The following KCNMB2 variants were observed in gnomAD, a reference collection of about 807,000 sequenced individuals.
KCNMB2 encodes potassium calcium-activated channel subfamily M regulatory beta subunit 2.
In KCNMB2, 9 loss-of-function variants were observed where a neutral mutation model predicts 24.5. That is an observed-to-expected ratio of 0.37 (90% confidence interval 0.22 to 0.64). The LOEUF (loss-of-function observed/expected upper bound fraction) is 0.64. KCNMB2 is among the 30% of genes least tolerant of loss of function. The probability of loss-of-function intolerance (pLI) is 0.63; values close to 1 mark genes in which losing one functional copy is unlikely to be tolerated. For synonymous variants in KCNMB2, 109 were observed against 104.4 expected (o/e 1.04, Z -0.27); for missense variants, 226 against 284.3 (o/e 0.79, Z 1.47).
chr3:178,596,351 A>T (rs918621227), intron 1 of KCNMB2, among the ~76,000 whole-genome samples: 1 of 152,152 alleles, frequency 6.6e-6, no homozygotes, highest in African/African-American at 2.4e-5. Context: ...AAGCTGGACA[A>T]CAATCATATT....
chr3:178,807,435 C>G lies in KCNMB2; in HGVS notation c.26C>G (p.Thr9Ser). 1 of 1,613,824 alleles carries G rather than the reference C, an allele frequency of 6.2e-7. No homozygotes were observed. Among genetic ancestry groups the G allele is most frequent in the Non-Finnish European group, 8.5e-7 (1 of 1,179,790 alleles). MFIWTSGR[T>S]SSSYRHDEKR... ...ATGTTTATATGGACCAGTGGCCGGACCTCTTCATCTTATAGACATGATGAA... is the reference window on the plus strand; with the variant it reads ...ATGTTTATATGGACCAGTGGCCGGAGCTCTTCATCTTATAGACATGATGAA... Residue 9 changes from threonine to serine, a missense_variant, in exon 2 of 5, where the codon ACC (threonine) becomes AGC (serine). Coordinates refer to ENST00000452583, the MANE Select transcript of KCNMB2 (RefSeq NM_181361.3).
rs369701485 is a variant in KCNMB2, at chr3:178,597,732, T to C, written c.-68+61021T>C. Among the ~76,000 whole-genome samples, 5 of 152,166 alleles carry C rather than the reference T, an allele frequency of 3.3e-5. No individual in the cohort carries two copies. In the South Asian group the frequency reaches 6.2e-4, roughly 19 times the overall value. The stretch of plus-strand genomic sequence containing the variant: ...ATTTCACACAAATATACTCAAATGA[T>C]GTGCTCCTCACCATTCATTTTCCAA... On this transcript the variant is annotated intron_variant, in intron 1 of 4. Coordinates refer to ENST00000452583, the MANE Select transcript of KCNMB2 (RefSeq NM_181361.3).
At chr3:178,654,229 T>C (rs1720238176) in intron 1 of KCNMB2, among the ~76,000 whole-genome samples, 1 of 152,200 alleles carries the variant, frequency 6.6e-6, no homozygotes, top group African/African-American at 2.4e-5. Flanking sequence ...CATTTATTTT[T>C]AAAAATTAGC....
intron 1 of KCNMB2, among the ~76,000 whole-genome samples, chr3:178,556,558 C>G (rs11719245): frequency 0.066 from 10,117 of 152,260 alleles, 464 homozygotes; most frequent in Non-Finnish European, 0.1. Context: ...GCGCCTGCCA[C>G]CACGCCCAGC....
chr3:178,602,952 G>C (rs1227005328), intron 1 of KCNMB2, among the ~76,000 whole-genome samples: 1 of 152,120 alleles, frequency 6.6e-6, no homozygotes, highest in Non-Finnish European at 1.5e-5. Context: ...AGATTGGACG[G>C]GGTGGGAAGC....
At chr3:178,610,553 G>A (rs912534423) in intron 1 of KCNMB2, among the ~76,000 whole-genome samples, 3 of 151,980 alleles carry the variant, frequency 2.0e-5, no homozygotes, top group African/African-American at 7.3e-5. Context: ...TTTTCACATT[G>A]TTCACTGTTG....
chr3:178,836,787 G>A (rs7427905), intron 4 of KCNMB2, among the ~76,000 whole-genome samples: 5 of 151,840 alleles, frequency 3.3e-5, no homozygotes, highest in East Asian at 1.9e-4. Context: ...AAATCTTCCC[G>A]TTCCCACACC....
At chr3:178,538,764 A>G (rs1255035263) in intron 1 of KCNMB2, among the ~76,000 whole-genome samples, 2 of 152,288 alleles carry the variant, frequency 1.3e-5, no homozygotes, top group East Asian at 3.9e-4. Flanking sequence ...AATATAGAGG[A>G]GATATGGTGC....
chr3:178,603,697 T>C (rs1019330250), intron 1 of KCNMB2, among the ~76,000 whole-genome samples: 1 of 152,150 alleles, frequency 6.6e-6, no homozygotes, highest in Non-Finnish European at 1.5e-5. Context: ...GTTAGTTGAA[T>C]GATAAGCAGG....
chr3:178,749,149 T>C (rs1309543949), intron 1 of KCNMB2: 1 of 152,224 alleles, frequency 6.6e-6, no homozygotes, highest in Non-Finnish European at 1.5e-5. Flanking sequence ...TTAGTTTTTC[T>C]TCCTGAGATT....
At chr3:178,725,788 G>A (rs539307925) in intron 1 of KCNMB2, among the ~76,000 whole-genome samples, 58 of 151,886 alleles carry the variant, frequency 3.8e-4, no homozygotes, top group African/African-American at 1.1e-3. Context: ...TTTTCATGAC[G>A]TATCATTTTC....
intron 1 of KCNMB2, among the ~76,000 whole-genome samples, chr3:178,656,878 G>T (rs1161663566): frequency 6.6e-6 from 1 of 152,146 alleles, no homozygotes; most frequent in Non-Finnish European, 1.5e-5. Flanking sequence ...ACATGTGTTT[G>T]TTGGGGCGGG....
chr3:178,647,205 C>T (rs1393736847), intron 1 of KCNMB2, among the ~76,000 whole-genome samples: 1 of 151,968 alleles, frequency 6.6e-6, no homozygotes, highest in South Asian at 2.1e-4. Context: ...CAGGCTGCAA[C>T]CCTTTATAAG....
At chr3:178,560,415 A>G (rs1716273523) in intron 1 of KCNMB2, among the ~76,000 whole-genome samples, 1 of 152,216 alleles carries the variant, frequency 6.6e-6, no homozygotes, top group Admixed American at 6.5e-5. Context: ...ATGAAAACAA[A>G]TAATGCAAAA....
At chr3:178,801,366 A>G (rs1206444295) in intron 1 of KCNMB2, among the ~76,000 whole-genome samples, 1 of 152,168 alleles carries the variant, frequency 6.6e-6, no homozygotes, top group East Asian at 1.9e-4. Flanking sequence ...TGCAATAAAA[A>G]TCCAAAGAAT....
chr3:178,730,124 TAAG>T (rs1232643246), intron 1 of KCNMB2, among the ~76,000 whole-genome samples: 1 of 152,140 alleles, frequency 6.6e-6, no homozygotes. Flanking sequence ...ACAAGAAAAC[TAAG>T]AAGACAATTC....
chr3:178,537,659 G>C (rs903775201), intron 1 of KCNMB2, among the ~76,000 whole-genome samples: 2 of 152,104 alleles, frequency 1.3e-5, no homozygotes, highest in Admixed American at 1.3e-4. Context: ...TAAGGCAAAA[G>C]TACAATGATC....
intron 1 of KCNMB2, among the ~76,000 whole-genome samples, chr3:178,762,772 T>C (rs1433804090): frequency 1.4e-5 from 2 of 137,978 alleles, no homozygotes; most frequent in African/African-American, 2.8e-5. Flanking sequence ...CATGATGAAA[T>C]AGAAAAAGAA....
intron 1 of KCNMB2, among the ~76,000 whole-genome samples, chr3:178,674,930 T>C (rs898045290): frequency 1.3e-5 from 2 of 152,248 alleles, no homozygotes; most frequent in African/African-American, 2.4e-5. Flanking sequence ...GAATGCCATG[T>C]GGTTCCCTCT....
Sources: allele counts gnomAD v4.1 joint callset (sites outside exome capture counted in the v4.1 genomes callset), GRCh38; gene constraint gnomAD v4.1.1; transcripts MANE v1.5; gene names NCBI Gene and HGNC (gene_info 2026-07-23, HGNC 2026-07-21).